Variants in ZSCAN5A observed in about 807,000 individuals in gnomAD.
ZSCAN5A encodes zinc finger and SCAN domain-containing protein 5A.
Under a neutral mutation model 23.7 loss-of-function variants are expected in ZSCAN5A, and 12 were observed. The ratio of observed to expected loss-of-function variants is 0.51; its 90% CI spans 0.32 to 0.82. ZSCAN5A has a LOEUF of 0.82. Ranked by LOEUF, ZSCAN5A falls within the 40% of genes least tolerant of loss-of-function variation. The pLI, the probability that ZSCAN5A is intolerant of heterozygous loss-of-function variation, is 0.03. For synonymous variants in ZSCAN5A, 257 were observed against 239.9 expected (o/e 1.07, Z -0.66); for missense variants, 597 against 617.9 (o/e 0.97, Z 0.36).
chr19:56,295,519 C>G (rs934602267), intron 2 of ZSCAN5A, among the ~76,000 whole-genome samples: 1 of 151,992 alleles, frequency 6.6e-6, no homozygotes, highest in African/African-American at 2.4e-5. Flanking sequence ...CGCTTGAACC[C>G]GGGAGGCAGA....
intron 2 of ZSCAN5A, chr19:56,296,550 C>T (rs1053174721): frequency 5.3e-5 from 8 of 151,982 alleles, no homozygotes; most frequent in African/African-American, 1.9e-4. Flanking sequence ...TGTTAGCTCT[C>T]CTGTACCAAA....
chr19:56,222,449 CTGT>C, intron 5 of ZSCAN5A, 123 bp from the exon 6 acceptor site: 1 of 1,550,968 alleles, frequency 6.4e-7, no homozygotes, highest in Non-Finnish European at 8.7e-7. Context: ...AGACATTGGA[CTGT>C]AGGTCTCTGG....
chr19:56,343,497 C>A, intron 2 of ZSCAN5A: 1 of 429,368 alleles, frequency 2.3e-6, no homozygotes, highest in South Asian at 1.7e-5. Flanking sequence ...TAGCCCAATT[C>A]TACCAAATGC....
At chr19:56,307,141 G>A (rs1378391162) in intron 2 of ZSCAN5A, among the ~76,000 whole-genome samples, 7 of 139,198 alleles carry the variant, frequency 5.0e-5, no homozygotes, top group African/African-American at 1.3e-4. Context: ...CTCCCACGTC[G>A]CCAGAGAAAG....
intron 2 of ZSCAN5A, among the ~76,000 whole-genome samples, chr19:56,355,016 A>C (rs1252062143): frequency 6.6e-6 from 1 of 152,226 alleles, no homozygotes; most frequent in African/African-American, 2.4e-5. Flanking sequence ...GCTCATGTGG[A>C]AAGCATCTTA....
chr19:56,244,816 A>T (rs921710988), intron 2 of ZSCAN5A, among the ~76,000 whole-genome samples: 1 of 148,988 alleles, frequency 6.7e-6, no homozygotes, highest in Non-Finnish European at 1.5e-5. Context: ...GAATGTAGGG[A>T]AGGAGGCATT....
chr19:56,366,225 C>A (rs934764374), intron 1 of ZSCAN5A, among the ~76,000 whole-genome samples: 2 of 152,004 alleles, frequency 1.3e-5, no homozygotes, highest in African/African-American at 4.8e-5. Flanking sequence ...GGGCGGATCA[C>A]GAGGTCAGAG....
chr19:56,288,964 A>G (rs1226678891), intron 2 of ZSCAN5A, among the ~76,000 whole-genome samples: 1 of 152,216 alleles, frequency 6.6e-6, no homozygotes, highest in Non-Finnish European at 1.5e-5. Flanking sequence ...AACTCCTTTA[A>G]GAAAATGCCA....
rs764392490 is a variant in ZSCAN5A at position 56,222,164 on chromosome 19, T to G, written c.902A>C (p.Lys301Thr). The change falls in exon 6 of 6, where the codon AAA (lysine) becomes ACA (threonine). Residue 301 changes from lysine (K) to threonine (T), a missense_variant. Transcript: ENST00000683990. Reference sequence around the variant, plus strand: ...TTGGGAAATGGAGGAGGCATCTGGTTTGCTTCTTTTGGGACTGCTCAGATT... The same window carrying G: ...TTGGGAAATGGAGGAGGCATCTGGTGTGCTTCTTTTGGGACTGCTCAGATT... Reference protein sequence around the residue: ...ALNLSSPKRSKPDASSISQEE... With the variant: ...ALNLSSPKRSTPDASSISQEE... 9 of 1,613,970 alleles carry G rather than the reference T, an allele frequency of 5.6e-6. No homozygotes were observed. The African/African-American group carries it at 1.2e-4, about 22-fold the overall frequency.
intron 2 of ZSCAN5A, among the ~76,000 whole-genome samples, chr19:56,260,477 G>A (rs2037048752): frequency 6.6e-6 from 1 of 151,960 alleles, no homozygotes. Context: ...GCCTCCCAAA[G>A]TGCTGGGATT....
chr19:56,256,369 G>T (rs1333309853), intron 2 of ZSCAN5A, among the ~76,000 whole-genome samples: 1 of 151,942 alleles, frequency 6.6e-6, no homozygotes, highest in Non-Finnish European at 1.5e-5. Context: ...ATCTTTTGTG[G>T]TTTTTGTAGA....
intron 2 of ZSCAN5A, among the ~76,000 whole-genome samples, chr19:56,302,456 GTCTGC>G (rs2040322441): frequency 8.9e-6 from 1 of 112,532 alleles, no homozygotes; most frequent in African/African-American, 3.5e-5. Flanking sequence ...TCCTCTCTCC[GTCTGC>G]TTCCTCCCTC....
chr19:56,352,892 C>A lies in ZSCAN5A; in HGVS notation c.-358+10343G>T, dbSNP rs2041676905. On this transcript the variant is annotated intron_variant, in intron 2 of 6. Coordinates refer to the ZSCAN5A transcript ENST00000587340. This position sits in a 1 kb window ranked among gnomAD's most constrained non-coding sequence, Gnocchi z 4.2. ...AGTCTGGTCGAGGAGAAGGTCTTTG[C>A]CAGATGGCAGTGTTTCGATCTATTA... Among the ~76,000 whole-genome samples the A allele has an allele frequency of 6.6e-6, 1 of 152,188 alleles. No homozygotes were observed. Among genetic ancestry groups the A allele is most frequent in the African/African-American group, 2.4e-5 (1 of 41,446 alleles).
chr19:56,332,270 T>G (rs529301157), intron 2 of ZSCAN5A, among the ~76,000 whole-genome samples: 1 of 152,264 alleles, frequency 6.6e-6, no homozygotes, highest in African/African-American at 2.4e-5. Flanking sequence ...GGTGTTGAAG[T>G]CCCCTACTAT....
intron 1 of ZSCAN5A, chr19:56,368,188 G>A (rs1033476797): frequency 1.3e-5 from 2 of 152,382 alleles, no homozygotes; most frequent in Non-Finnish European, 2.9e-5. Context: ...GGCCCTACGG[G>A]GCGTCAATAC....
intron 2 of ZSCAN5A, chr19:56,301,968 T>C: frequency 1.6e-6 from 2 of 1,232,096 alleles, no homozygotes; most frequent in Non-Finnish European, 2.0e-6. Flanking sequence ...TTCTCTCCAG[T>C]TAAACCCTTC....
chr19:56,265,423 AAGC>A (rs2037407107), intron 2 of ZSCAN5A, among the ~76,000 whole-genome samples: 1 of 150,580 alleles, frequency 6.6e-6, no homozygotes, highest in Admixed American at 6.7e-5. Flanking sequence ...TTGAAACTTA[AAGC>A]TGGTGGAAAG....
At chr19:56,237,571 C>T (rs1164326252) in intron 2 of ZSCAN5A, among the ~76,000 whole-genome samples, 2 of 152,074 alleles carry the variant, frequency 1.3e-5, no homozygotes, top group Non-Finnish European at 2.9e-5. Flanking sequence ...GATGTGACTT[C>T]GCTGTACGTT....
chr19:56,256,698 G>A (rs558920077), intron 2 of ZSCAN5A, among the ~76,000 whole-genome samples: 5 of 152,354 alleles, frequency 3.3e-5, no homozygotes, highest in East Asian at 1.9e-4. Flanking sequence ...GGCAGTTAGT[G>A]TGGAGACAGA....
Sources: gnomAD v4.1 joint callset for allele counts (sites outside exome capture counted in the v4.1 genomes callset) on GRCh38, gnomAD v4.1.1 for gene constraint, Gnocchi (gnomAD v3.1) non-coding constraint, MANE v1.5 for transcripts, NCBI Gene and HGNC (gene_info 2026-07-23, HGNC 2026-07-21) for gene names.